CDC42BPA: variants seen among roughly 807,000 people sequenced by gnomAD.
CDC42BPA encodes serine/threonine-protein kinase MRCK alpha.
In CDC42BPA, 80 loss-of-function variants were observed where a neutral mutation model predicts 223.5. The ratio of observed to expected loss-of-function variants is 0.36; its 90% CI spans 0.30 to 0.43. The LOEUF (loss-of-function observed/expected upper bound fraction) is 0.43. Ranked by LOEUF, CDC42BPA falls within the 20% of genes least tolerant of loss-of-function variation. CDC42BPA has a pLI of 1.00. For synonymous variants in CDC42BPA, 694 were observed against 718.6 expected (o/e 0.97, Z 0.55); for missense variants, 1,743 against 2,099.9 (o/e 0.83, Z 3.32).
chr1:227,013,068 T>C (rs1034783587), intron 34 of CDC42BPA, among the ~76,000 whole-genome samples: 1 of 152,156 alleles, frequency 6.6e-6, no homozygotes, highest in Non-Finnish European at 1.5e-5. Context: ...AAATCTTTGA[T>C]GCATACTACA....
chr1:227,023,529 C>CA (rs1157066870), intron 31 of CDC42BPA, among the ~76,000 whole-genome samples, 182 bp from the exon 32 acceptor site: 2 of 152,060 alleles, frequency 1.3e-5, no homozygotes, highest in South Asian at 2.1e-4. Context: ...CTAATTTGAA[C>CA]AAACAAACTT....
intron 1 of CDC42BPA, among the ~76,000 whole-genome samples, chr1:227,302,579 T>G (rs1231941197): frequency 6.6e-6 from 1 of 152,208 alleles, no homozygotes; most frequent in African/African-American, 2.4e-5. Context: ...CAAAATATAT[T>G]GATTCTGAAC....
At chr1:227,117,314 T>C (rs1314849831) in intron 12 of CDC42BPA, among the ~76,000 whole-genome samples, 1 of 152,102 alleles carries the variant, frequency 6.6e-6, no homozygotes, top group East Asian at 1.9e-4. Context: ...ACCTATAAAT[T>C]CAGTGCATTT....
intron 27 of CDC42BPA, among the ~76,000 whole-genome samples, chr1:227,032,314 C>T (rs543499839): frequency 2.0e-5 from 3 of 152,024 alleles, no homozygotes; most frequent in Non-Finnish European, 4.4e-5. Flanking sequence ...CCCTTGGTGG[C>T]TGGGAGGAAA....
chr1:227,008,324 A>C (rs1664489879), intron 34 of CDC42BPA, among the ~76,000 whole-genome samples: 1 of 152,186 alleles, frequency 6.6e-6, no homozygotes. Flanking sequence ...GATACAAAAT[A>C]ACATTTTATG....
At position 227,237,808 on chromosome 1, in the gene CDC42BPA, A is replaced by C. The variant is rs1679328172; in HGVS notation, c.270+16256T>G. Reference sequence around the variant, plus strand: ...GTAATCCCAGCACTTTGGGAGGCCGAGGCGGGCGGATCACCTGAGGTCGGA... The same window carrying C: ...GTAATCCCAGCACTTTGGGAGGCCGCGGCGGGCGGATCACCTGAGGTCGGA... On this transcript the variant is annotated intron_variant, in intron 2 of 36. Coordinates refer to ENST00000366766, the MANE Select transcript of CDC42BPA (RefSeq NM_001394014.1). 2.2e-5 allele frequency among the ~76,000 whole-genome samples: 3 copies of C among 135,156 alleles called. No individual in the cohort carries two copies. In the Admixed American group the frequency reaches 2.3e-4, roughly 10 times the overall value. The allele number at this position is 135,156 out of a possible 152,430, so 88.7% of individuals were successfully genotyped here. A position where few individuals can be genotyped will look rare whatever the true frequency, so the allele number is the denominator to read the frequency against.
rs537289095 is a variant in CDC42BPA at position 227,153,250 on chromosome 1, C to T, written c.694-5691G>A. Among the ~76,000 whole-genome samples the T allele has an allele frequency of 3.7e-3, 561 of 151,602 alleles. 3 individuals are homozygous for T. The highest frequency in any genetic ancestry group is 0.013 in the African/African-American group (542 of 41,458). ...CCAAAAGTTAGAAAAAAAAAGTATTCTTTTCAAATAAACATAGAACATATA... is the reference window on the plus strand; with the variant it reads ...CCAAAAGTTAGAAAAAAAAAGTATTTTTTTCAAATAAACATAGAACATATA... On this transcript the variant is annotated intron_variant, in intron 6 of 36. Coordinates refer to ENST00000366766, the MANE Select transcript of CDC42BPA (RefSeq NM_001394014.1).
intron 17 of CDC42BPA, among the ~76,000 whole-genome samples, chr1:227,077,264 T>G (rs2149105965): frequency 6.6e-6 from 1 of 152,292 alleles, no homozygotes; most frequent in South Asian, 2.1e-4. Context: ...AAAATGGGGA[T>G]AGTAAAAATA....
At chr1:227,224,297 A>C (rs1179782771) in intron 2 of CDC42BPA, among the ~76,000 whole-genome samples, 1 of 149,508 alleles carries the variant, frequency 6.7e-6, no homozygotes, top group Non-Finnish European at 1.5e-5. Flanking sequence ...GCAATGGTGC[A>C]GTCTCAGCTC....
At chr1:227,143,082 G>C (rs58442036) in intron 8 of CDC42BPA, 58 bp from the exon 9 acceptor site, 185,801 of 1,068,714 alleles carry the variant, frequency 0.17, 16,853 homozygotes, top group Middle Eastern at 0.22. Flanking sequence ...TGTAGGCTTG[G>C]CTATAAATAT....
intron 1 of CDC42BPA, among the ~76,000 whole-genome samples, chr1:227,271,482 T>C (rs1337899897): frequency 6.6e-6 from 1 of 151,856 alleles, no homozygotes; most frequent in East Asian, 1.9e-4. Flanking sequence ...ATTCTTCAAG[T>C]AAACATCTGA....
At chr1:227,176,457 AATTTG>A (rs1185822583) in intron 5 of CDC42BPA, among the ~76,000 whole-genome samples, 1 of 152,164 alleles carries the variant, frequency 6.6e-6, no homozygotes, top group East Asian at 1.9e-4. Flanking sequence ...TGTCACCACT[AATTTG>A]ATTACTGCAA....
chr1:227,073,623 G>A (rs1035150663), intron 19 of CDC42BPA, among the ~76,000 whole-genome samples: 6 of 151,952 alleles, frequency 3.9e-5, no homozygotes, highest in African/African-American at 1.2e-4. Context: ...ATTAAATAAT[G>A]GAATATTATT....
intron 1 of CDC42BPA, among the ~76,000 whole-genome samples, chr1:227,316,179 T>A (rs191707721): frequency 4.9e-4 from 75 of 152,280 alleles, no homozygotes; most frequent in African/African-American, 1.8e-3. Flanking sequence ...ATTGCAACAG[T>A]GAACTTCTGG....
At chr1:227,010,045 C>T (rs946992093) in intron 34 of CDC42BPA, among the ~76,000 whole-genome samples, 1 of 152,060 alleles carries the variant, frequency 6.6e-6, no homozygotes, top group South Asian at 2.1e-4. Context: ...CATTTTATTA[C>T]CTGCAAAACT....
intron 2 of CDC42BPA, among the ~76,000 whole-genome samples, chr1:227,220,076 G>A (rs1293802757): frequency 6.6e-6 from 1 of 151,878 alleles, no homozygotes; most frequent in East Asian, 1.9e-4. Context: ...CCTGTGACCA[G>A]GCAGGACTTG....
intron 1 of CDC42BPA, among the ~76,000 whole-genome samples, chr1:227,316,220 G>A (rs951998591): frequency 2.6e-5 from 4 of 152,186 alleles, no homozygotes; most frequent in Admixed American, 2.6e-4. Flanking sequence ...TGTAACAGCA[G>A]ACGCTGAAGA....
rs369403944 is a variant in CDC42BPA, at chr1:227,297,967, T to TATATAC, written c.178+19037_178+19038insGTATAT. 2.6e-4 allele frequency among the ~76,000 whole-genome samples: 34 copies of TATATAC among 132,076 alleles called. 1 individual carries two copies. Among genetic ancestry groups the TATATAC allele is most frequent in the Admixed American group, 3.8e-4 (5 of 13,266 alleles). The allele number at this position is 132,076 out of a possible 152,430, so 86.6% of individuals were successfully genotyped here. A position where few individuals can be genotyped will look rare whatever the true frequency, so the allele number is the denominator to read the frequency against. On this transcript the variant is annotated intron_variant, in intron 1 of 36. Coordinates refer to ENST00000366766, the MANE Select transcript of CDC42BPA (RefSeq NM_001394014.1). ...GTGTGTGTGTGTGTATATATACATATACACACACACACACATATATACATA... is the reference window on the plus strand; with the variant it reads ...GTGTGTGTGTGTGTATATATACATATATATACACACACACACACACATATATACATA...
Position 226,993,846 on chromosome 1 carries a change from C to CA in CDC42BPA, c.*421dup, listed in dbSNP as rs1328981554. Reference sequence around the variant, plus strand: ...TGATTAAGAGCTTAGTGAGCCACTCCAGGGACCAATTCTCCCTTCTGGATG... The same window carrying CA: ...TGATTAAGAGCTTAGTGAGCCACTCCAAGGGACCAATTCTCCCTTCTGGATG... On this transcript the variant is annotated 3_prime_UTR_variant, in exon 37 of 37. Transcript: ENST00000366766. 5.6e-5 allele frequency: 9 copies of CA among 161,214 alleles called. No homozygotes were observed. Among genetic ancestry groups the CA allele is most frequent in the Non-Finnish European group, 8.3e-5 (6 of 72,716 alleles). The allele number at this position is 161,214 out of a possible 1,614,324, so 10.0% of individuals were successfully genotyped here.
Sources: allele counts gnomAD v4.1 joint callset (sites outside exome capture counted in the v4.1 genomes callset), GRCh38; gene constraint gnomAD v4.1.1; transcripts MANE v1.5; gene names NCBI Gene and HGNC (gene_info 2026-07-23, HGNC 2026-07-21).